PKN2: variants seen among roughly 807,000 people sequenced by gnomAD.
PKN2 encodes protein kinase N2, also known as serine/threonine-protein kinase N2.
In PKN2, 38 loss-of-function variants were observed where a neutral mutation model predicts 119.1. The ratio of observed to expected loss-of-function variants is 0.32; its 90% CI spans 0.25 to 0.42. The LOEUF is 0.42. PKN2 is among the 10% of genes least tolerant of loss of function. PKN2 has a pLI of 1.00. For missense variants in PKN2, 850 were observed against 1,165.1 expected (o/e 0.73, Z 3.94); for synonymous variants, 390 against 384.9 (o/e 1.01, Z -0.15).
chr1:88,813,605 T>C lies in PKN2; in HGVS notation c.2151T>C (p.His717=). 6.2e-7 allele frequency: 1 copy of C among 1,610,042 alleles called. No individual in the cohort carries two copies. The highest frequency in any genetic ancestry group is 1.1e-5 in the South Asian group (1 of 90,258). ...TTGAAACTGTGAATAGTGTAAGGCA[T>C]CCCTTTTTGGTGAACCTTTTTGCAT... ...RIFETVNSVR[H]PFLVNLFACF... The change falls in exon 16 of 22, where the codon CAT becomes CAC. Residue 717 remains histidine (H), a synonymous_variant. Transcript: ENST00000370521.
intron 1 of PKN2, among the ~76,000 whole-genome samples, chr1:88,691,443 G>A (rs1476285189): frequency 1.3e-5 from 2 of 152,090 alleles, no homozygotes; most frequent in African/African-American, 2.4e-5. Flanking sequence ...CTTTAAGGAG[G>A]TGTTTGTTCT....
At chr1:88,688,497 C>T (rs1200809694) in intron 1 of PKN2, among the ~76,000 whole-genome samples, 1 of 152,172 alleles carries the variant, frequency 6.6e-6, no homozygotes, top group Non-Finnish European at 1.5e-5. Context: ...AATTAACCAA[C>T]ATTAACTTTA....
At chr1:88,822,115 C>A in intron 17 of PKN2, 112 bp downstream of exon 17, 1 of 973,864 alleles carries the variant, frequency 1.0e-6, no homozygotes, top group Non-Finnish European at 1.4e-6. Flanking sequence ...TTAGTTTTCT[C>A]CTTCACCTGT....
intron 3 of PKN2, among the ~76,000 whole-genome samples, chr1:88,766,908 G>A (rs1439910017): frequency 6.6e-6 from 1 of 152,018 alleles, no homozygotes; most frequent in Non-Finnish European, 1.5e-5. Context: ...AAATTTCTGT[G>A]GGAAAATTCA....
At chr1:88,763,078 T>C (rs1332918690) in intron 3 of PKN2, among the ~76,000 whole-genome samples, 1 of 152,206 alleles carries the variant, frequency 6.6e-6, no homozygotes, top group African/African-American at 2.4e-5. Context: ...TTCATTTTGT[T>C]TGGGAAAAGT....
At chr1:88,829,321 A>ATT in intron 19 of PKN2, 2 of 560,130 alleles carry the variant, frequency 3.6e-6, no homozygotes, top group South Asian at 1.9e-5. Context: ...TATCAAAAGT[A>ATT]TTCGCTACAC....
At chr1:88,803,816 T>C (rs906805263) in intron 8 of PKN2, among the ~76,000 whole-genome samples, 2 of 152,188 alleles carry the variant, frequency 1.3e-5, no homozygotes, top group African/African-American at 4.8e-5. Flanking sequence ...TCCCCTTTCT[T>C]CCTTTCGTAC....
At chr1:88,831,208 C>T (rs896928466) in intron 19 of PKN2, among the ~76,000 whole-genome samples, 2 of 151,730 alleles carry the variant, frequency 1.3e-5, no homozygotes, top group African/African-American at 4.8e-5. Flanking sequence ...CATTTGTTAG[C>T]TTTCAGTTGT....
At chr1:88,817,715 A>G (rs1174019360) in intron 16 of PKN2, among the ~76,000 whole-genome samples, 1 of 151,806 alleles carries the variant, frequency 6.6e-6, no homozygotes, top group Non-Finnish European at 1.5e-5. Context: ...TCTCAAAAAA[A>G]AAAAAAAGAA....
At chr1:88,704,326 A>G (rs995634180) in intron 1 of PKN2, among the ~76,000 whole-genome samples, 2 of 152,186 alleles carry the variant, frequency 1.3e-5, no homozygotes, top group Admixed American at 6.5e-5. Context: ...CGGTAGTTCA[A>G]TCATTTTTGT....
chr1:88,769,538 GTAA>G (rs1669801587), intron 3 of PKN2, among the ~76,000 whole-genome samples: 1 of 152,134 alleles, frequency 6.6e-6, no homozygotes, highest in Admixed American at 6.5e-5. Context: ...CTAAAAGATA[GTAA>G]TAAGATTCAA....
chr1:88,776,440 G>T (rs1670108710), intron 6 of PKN2, among the ~76,000 whole-genome samples: 1 of 150,680 alleles, frequency 6.6e-6, no homozygotes, highest in African/African-American at 2.4e-5. Context: ...TTTTTTTCCA[G>T]CACTTAAAAA....
chr1:88,816,132 C>T (rs571500902), intron 16 of PKN2, among the ~76,000 whole-genome samples: 5 of 113,142 alleles, frequency 4.4e-5, no homozygotes, highest in Admixed American at 1.8e-4. Context: ...AGAGTGAGAC[C>T]CCCCCAAATT....
Position 88,729,470 on chromosome 1 carries a change from T to C in PKN2, c.49-11518T>C, listed in dbSNP as rs1668042688. Among the ~76,000 whole-genome samples the C allele has an allele frequency of 2.0e-5, 3 of 152,362 alleles. No individual in the cohort carries two copies. In the South Asian group the frequency reaches 6.2e-4, roughly 32 times the overall value. ...GGCTAAGCTGGACTGGAATGCCTAC[T>C]GTGGCTTCACTCACATGTCTGGTGC... On this transcript the variant is annotated intron_variant, in intron 1 of 21. Transcript: ENST00000370521.
chr1:88,813,535 T>G (rs1347354932), intron 15 of PKN2, 22 bp from the exon 16 acceptor site: 2 of 1,474,114 alleles, frequency 1.4e-6, no homozygotes, highest in Non-Finnish European at 1.8e-6. Context: ...ATCTGCTTAT[T>G]TTAAAATATT....
chr1:88,825,791 TGA>T (rs1672476912), intron 18 of PKN2, among the ~76,000 whole-genome samples: 2 of 152,216 alleles, frequency 1.3e-5, no homozygotes, highest in Admixed American at 6.5e-5. Context: ...ACATACCTGC[TGA>T]AAACTCTTCA....
In PKN2 at chr1:88,814,733, CAACACTCA is replaced by C. The variant is rs139379632; in HGVS notation, c.2279+1004_2279+1011del. Among the ~76,000 whole-genome samples the C allele has an allele frequency of 5.5e-3, 834 of 152,242 alleles. 5 individuals are homozygous for C. The highest frequency in any genetic ancestry group is 0.018 in the African/African-American group (761 of 41,580). ...CTTGATGCTCTTTTTCCTTTAACTT[CAACACTCA>C]AACTATTAGCAAGTCCAGTCAACTC... is the stretch of plus-strand genomic sequence containing the variant. On this transcript the variant is annotated intron_variant, in intron 16 of 21. Transcript: ENST00000370521.
At chr1:88,822,098 C>A in intron 17 of PKN2, 95 bp downstream of exon 17, 1 of 1,145,666 alleles carries the variant, frequency 8.7e-7, no homozygotes, top group Non-Finnish European at 1.2e-6. Flanking sequence ...TATGTTTAAC[C>A]AGTTTCTTAG....
chr1:88,684,601 G>C lies in PKN2; in HGVS notation c.21G>C (p.Arg7=), dbSNP rs773947697. The C allele has an allele frequency of 9.6e-6, 15 of 1,563,682 alleles. No individual in the cohort carries two copies. The highest frequency in any genetic ancestry group is 3.5e-4 in the Middle Eastern group (2 of 5,710). ...GCGCAATGGCGTCCAACCCCGAACG[G>C]GGGGAGATTCTGCTCACGGAACTGC... is the stretch of plus-strand genomic sequence containing the variant. The part of the protein sequence containing the change: MASNPE[R]GEILLTELQG... The change falls in exon 1 of 22, where the codon CGG becomes CGC. Residue 7 remains arginine (R), a synonymous_variant. Coordinates refer to ENST00000370521, the MANE Select transcript of PKN2 (RefSeq NM_006256.4).
Sources: allele counts gnomAD v4.1 joint callset (sites outside exome capture counted in the v4.1 genomes callset), GRCh38; gene constraint gnomAD v4.1.1; transcripts MANE v1.5; gene names NCBI Gene and HGNC (gene_info 2026-07-23, HGNC 2026-07-21).